HDAC9: variants seen among roughly 807,000 people sequenced by gnomAD.
HDAC9 encodes MEF-2 interacting transcription repressor (MITR) protein.
A neutral mutation model predicts 139.4 loss-of-function variants in HDAC9; 41 were observed. The observed-to-expected ratio is 0.29, with a 90% confidence interval of 0.23 to 0.38. The LOEUF (loss-of-function observed/expected upper bound fraction) is 0.38, where lower values mean the gene tolerates loss of function less well. Ranked by LOEUF, HDAC9 falls within the 10% of genes least tolerant of loss-of-function variation. HDAC9 has a pLI of 1.00. For synonymous variants in HDAC9, 517 were observed against 476.2 expected (o/e 1.09, Z -1.12); for missense variants, 1,147 against 1,297.0 (o/e 0.88, Z 1.78).
rs141764061 is a variant in HDAC9 at position 18,225,371 on chromosome 7, GC to G, written c.25+63023del. On this transcript the variant is annotated intron_variant, in intron 2 of 12. Transcript: ENST00000417496. Reference sequence around the variant, plus strand: ...TAAAAATACATCCCAAAAGACTTCTGCTTATTGCACATTTTGTTCCTGTCCT... The same window carrying G: ...TAAAAATACATCCCAAAAGACTTCTGTTATTGCACATTTTGTTCCTGTCCT... 2.2e-3 allele frequency among the ~76,000 whole-genome samples: 330 copies of G among 152,126 alleles called. 1 individual carries two copies. Among genetic ancestry groups the G allele is most frequent in the African/African-American group, 7.7e-3 (320 of 41,500 alleles).
At chr7:18,651,267 G>A (rs1163235154) in intron 11 of HDAC9, among the ~76,000 whole-genome samples, 1 of 152,164 alleles carries the variant, frequency 6.6e-6, no homozygotes, top group African/African-American at 2.4e-5. Context: ...TTCCATGGAT[G>A]AACCTTTATG....
intron 24 of HDAC9, among the ~76,000 whole-genome samples, chr7:18,964,205 A>T (rs1328191873): frequency 2.6e-5 from 4 of 152,100 alleles, no homozygotes; most frequent in Admixed American, 2.6e-4. Context: ...ACCTTCTTTC[A>T]GTTCCTCTAG....
chr7:18,908,317 G>A (rs1173583285), intron 22 of HDAC9, among the ~76,000 whole-genome samples: 1 of 152,030 alleles, frequency 6.6e-6, no homozygotes, highest in African/African-American at 2.4e-5. Context: ...TCTACAGTGT[G>A]TAATGATTAA....
At chr7:18,517,315 T>G (rs1357898771) in intron 2 of HDAC9, among the ~76,000 whole-genome samples, 1 of 152,220 alleles carries the variant, frequency 6.6e-6, no homozygotes, top group Non-Finnish European at 1.5e-5. Flanking sequence ...TAATACATTA[T>G]GAAAATGCGT....
intron 21 of HDAC9, among the ~76,000 whole-genome samples, chr7:18,855,779 A>G (rs972272061): frequency 6.6e-6 from 1 of 151,990 alleles, no homozygotes; most frequent in African/African-American, 2.4e-5. Flanking sequence ...GTCTAACCAA[A>G]CGGTAGCTGA....
chr7:18,367,832 T>C (rs1231940100), intron 1 of HDAC9, among the ~76,000 whole-genome samples: 1 of 152,132 alleles, frequency 6.6e-6, no homozygotes, highest in Non-Finnish European at 1.5e-5. Context: ...GTTTCCCATG[T>C]TTCCCAACAC....
chr7:18,279,603 C>T lies in HDAC9; in HGVS notation c.25+117254C>T, dbSNP rs146818262. On this transcript the variant is annotated intron_variant, in intron 2 of 12. Transcript: ENST00000417496. ...GCCTCAGCCTCCTGAGTAGCTGGGA[C>T]TACAGGCGCCCGCCACCACAGCTGG... Among the ~76,000 whole-genome samples the T allele has an allele frequency of 2.8e-3, 425 of 151,710 alleles. 2 individuals carry two copies. The highest frequency in any genetic ancestry group is 9.5e-3 in the African/African-American group (393 of 41,342).
intron 1 of HDAC9, among the ~76,000 whole-genome samples, chr7:18,138,934 AATGCTATGATTATGTTTATGCTTAC>A (rs1785671458): frequency 6.6e-6 from 1 of 152,022 alleles, no homozygotes; most frequent in Non-Finnish European, 1.5e-5. Context: ...TCAACAAATA[AATGCTATGATTATGTTTATGCTTAC>A]TAGCAGTTCT....
At chr7:18,569,582 G>T (rs1823573162) in intron 2 of HDAC9, among the ~76,000 whole-genome samples, 1 of 152,096 alleles carries the variant, frequency 6.6e-6, no homozygotes, top group Non-Finnish European at 1.5e-5. Flanking sequence ...TCTCAATATT[G>T]GCTAATTCTA....
At chr7:18,722,906 T>C (rs548215351) in intron 12 of HDAC9, among the ~76,000 whole-genome samples, 54 of 152,328 alleles carry the variant, frequency 3.5e-4, no homozygotes, top group African/African-American at 1.3e-3. Context: ...TTTGGAAGAT[T>C]TAACTGTTTA....
At chr7:18,225,062 A>G (rs1792964237) in intron 2 of HDAC9, among the ~76,000 whole-genome samples, 1 of 152,194 alleles carries the variant, frequency 6.6e-6, no homozygotes, top group Admixed American at 6.5e-5. Flanking sequence ...TAAACTGCTC[A>G]GTAGCTAAAT....
chr7:18,865,386 T>G (rs1798414991), intron 21 of HDAC9, among the ~76,000 whole-genome samples: 1 of 150,502 alleles, frequency 6.6e-6, no homozygotes, highest in East Asian at 2.0e-4. Flanking sequence ...AAAAAGGGAG[T>G]GGTAAAAGAG....
chr7:18,557,102 A>G (rs572215134), intron 2 of HDAC9, among the ~76,000 whole-genome samples: 1 of 152,136 alleles, frequency 6.6e-6, no homozygotes, highest in East Asian at 1.9e-4. Flanking sequence ...TATTTTAGCT[A>G]TAAGTTAGGA....
At chr7:18,436,781 G>T (rs1791242189) in intron 1 of HDAC9, among the ~76,000 whole-genome samples, 1 of 152,082 alleles carries the variant, frequency 6.6e-6, no homozygotes, top group African/African-American at 2.4e-5. Context: ...TGTAGATGGT[G>T]GTTCAGCATT....
At chr7:18,106,586 G>A (rs1211326282) in intron 1 of HDAC9, among the ~76,000 whole-genome samples, 1 of 152,032 alleles carries the variant, frequency 6.6e-6, no homozygotes, top group Non-Finnish European at 1.5e-5. Context: ...CTGAGTAGCT[G>A]AGATTACAGG....
At chr7:18,188,750 A>G (rs956590032) in intron 2 of HDAC9, among the ~76,000 whole-genome samples, 1 of 152,228 alleles carries the variant, frequency 6.6e-6, no homozygotes, top group Non-Finnish European at 1.5e-5. Context: ...AAATCTCAAC[A>G]TCACTGATCA....
intron 2 of HDAC9, among the ~76,000 whole-genome samples, chr7:18,546,127 C>T (rs1814725321): frequency 6.6e-6 from 1 of 152,086 alleles, no homozygotes; most frequent in Non-Finnish European, 1.5e-5. Context: ...GCCCCTTTTG[C>T]CAAGCACTAC....
chr7:18,982,740 T>C (rs949916342), intron 25 of HDAC9, among the ~76,000 whole-genome samples: 8 of 152,196 alleles, frequency 5.3e-5, no homozygotes, highest in African/African-American at 1.9e-4. Flanking sequence ...GTGTGTACTG[T>C]ATTTCTTAAT....
intron 1 of HDAC9, among the ~76,000 whole-genome samples, chr7:18,300,561 G>A (rs1798472100): frequency 6.6e-6 from 1 of 151,436 alleles, no homozygotes; most frequent in Non-Finnish European, 1.5e-5. Context: ...ATTATATGTA[G>A]ACATTATTTT....
Sources: gnomAD v4.1 joint callset for allele counts (sites outside exome capture counted in the v4.1 genomes callset) on GRCh38, gnomAD v4.1.1 for gene constraint, MANE v1.5 for transcripts, NCBI Gene and HGNC (gene_info 2026-07-23, HGNC 2026-07-21) for gene names.